ASAP3: variants seen among roughly 807,000 people sequenced by gnomAD.
ASAP3 encodes the protein arf-GAP with SH3 domain, ANK repeat and PH domain-containing protein 3.
ASAP3 carries 85 observed loss-of-function variants against 118.2 expected under a neutral mutation model. The ratio of observed to expected loss-of-function variants is 0.72; its 90% CI spans 0.60 to 0.86. The LOEUF is 0.86. ASAP3 is among the 40% of genes least tolerant of loss of function. The pLI is 0.00. For synonymous variants in ASAP3, 432 were observed against 477.4 expected (o/e 0.90, Z 1.24); for missense variants, 1,026 against 1,175.0 (o/e 0.87, Z 1.85).
Position 23,438,776 on chromosome 1 carries a change from T to C in ASAP3, c.1073A>G (p.Glu358Gly), listed in dbSNP as rs1164705858. The C allele has an allele frequency of 1.2e-6, 2 of 1,614,162 alleles. No individual in the cohort carries two copies. The highest frequency in any genetic ancestry group is 1.7e-6 in the Non-Finnish European group (2 of 1,180,010). The change falls in exon 12 of 25, where the codon GAG (glutamate) becomes GGG (glycine). Residue 358 changes from glutamate to glycine, a missense_variant. By Grantham distance (98) the Glu-to-Gly change is moderately conservative. Transcript: ENST00000336689. This position sits in a 1 kb window ranked among gnomAD's most constrained non-coding sequence, Gnocchi z 4.9. The part of the protein sequence containing the change: ...LLTCQVRPNP[E>G]EKKCFDLVTH... ...CACCAGGTCGAAGCACTTTTTCTCC[T>C]CAGGGTTTGGCCTCACTTGGCACGT... is the stretch of plus-strand genomic sequence containing the variant.
chr1:23,450,608 T>TAA (rs552660829), intron 5 of ASAP3, among the ~76,000 whole-genome samples: 1 of 146,268 alleles, frequency 6.8e-6, no homozygotes, highest in Non-Finnish European at 1.5e-5. Context: ...CCAGACCTTG[T>TAA]AAAAAAAAAA....
rs940900165 is a variant in ASAP3, at chr1:23,428,938, T to A, written c.*918A>T. The A allele has an allele frequency of 6.5e-6, 1 of 154,828 alleles. No homozygotes were observed. The highest frequency in any genetic ancestry group is 1.5e-5 in the Non-Finnish European group (1 of 68,220). 9.6% of individuals were successfully genotyped at this position (154,828 alleles called of 1,614,324 possible). A position where few individuals can be genotyped will look rare whatever the true frequency, so the allele number is the denominator to read the frequency against. On this transcript the variant is annotated 3_prime_UTR_variant, in exon 25 of 25. Transcript: ENST00000336689. ...CCCAATTCTATTACTCTCCCTTCTT[T>A]CTTTGCCTCTCCATTCCCTCAGACT...
At chr1:23,478,953 T>C (rs957247040) in intron 1 of ASAP3, among the ~76,000 whole-genome samples, 4 of 152,044 alleles carry the variant, frequency 2.6e-5, no homozygotes, top group African/African-American at 9.7e-5. Flanking sequence ...TGAGGGGATT[T>C]TCCAGGCCCT....
chr1:23,464,890 A>G (rs1159437270), intron 1 of ASAP3, among the ~76,000 whole-genome samples: 1 of 152,118 alleles, frequency 6.6e-6, no homozygotes, highest in Non-Finnish European at 1.5e-5. Context: ...AATGCATGCT[A>G]AAGTTTGGGA....
At chr1:23,472,123 T>C (rs750515836) in intron 1 of ASAP3, among the ~76,000 whole-genome samples, 1 of 152,242 alleles carries the variant, frequency 6.6e-6, no homozygotes, top group East Asian at 1.9e-4. Flanking sequence ...GGGTTTCTTT[T>C]TGGGATGATG....
intron 1 of ASAP3, among the ~76,000 whole-genome samples, chr1:23,457,029 A>C (rs928427750): frequency 3.6e-4 from 55 of 152,226 alleles, no homozygotes; most frequent in Non-Finnish European, 6.5e-4. Flanking sequence ...TCCCCCTTTC[A>C]GTGGGGCATG....
At chr1:23,444,320 G>A (rs1442554475) in intron 5 of ASAP3, among the ~76,000 whole-genome samples, 1 of 152,164 alleles carries the variant, frequency 6.6e-6, no homozygotes, top group Non-Finnish European at 1.5e-5. Flanking sequence ...CCCACGCCCA[G>A]CAGACTACCC....
chr1:23,459,279 T>A (rs1641492093), intron 1 of ASAP3, among the ~76,000 whole-genome samples: 1 of 152,090 alleles, frequency 6.6e-6, no homozygotes. Context: ...AATAAATGTT[T>A]ACCTAAATGA....
rs1360609713 is a variant in ASAP3, at chr1:23,456,177, T to C, written c.147A>G (p.Gln49=). The C allele has an allele frequency of 2.5e-6, 4 of 1,613,996 alleles. No individual in the cohort carries two copies. The highest frequency in any genetic ancestry group is 2.2e-5 in the East Asian group (1 of 44,888). The change falls in exon 2 of 25, where the codon CAA becomes CAG. Residue 49 remains glutamine, a synonymous_variant. Transcript: ENST00000336689. ...LAREEILEGD[Q]AILQRIKKAV... is the part of the protein sequence containing the mutation. ...CCTTCTTTATTCTCTGCAGGATGGC[T>C]TGGTCTCCTTCCAAGATCTGGAAGC...
At chr1:23,432,289 G>A (rs1362939748) in intron 22 of ASAP3, among the ~76,000 whole-genome samples, 2 of 152,042 alleles carry the variant, frequency 1.3e-5, no homozygotes, top group African/African-American at 2.4e-5. Context: ...TTACAGGCAC[G>A]AGCCACCACA....
chr1:23,448,620 ATATG>A (rs1641118080), intron 5 of ASAP3, among the ~76,000 whole-genome samples: 1 of 151,250 alleles, frequency 6.6e-6, no homozygotes, highest in Non-Finnish European at 1.5e-5. Flanking sequence ...TATTTATTAT[ATATG>A]TATTATTATT....
chr1:23,449,012 CGAGCTGCT>C (rs1480570061), intron 5 of ASAP3, among the ~76,000 whole-genome samples: 1 of 151,532 alleles, frequency 6.6e-6, no homozygotes, highest in Non-Finnish European at 1.5e-5. Flanking sequence ...CTCATTCCTG[CGAGCTGCT>C]GACAGTCACA....
At chr1:23,469,329 T>C (rs1276318178) in intron 1 of ASAP3, among the ~76,000 whole-genome samples, 1 of 151,998 alleles carries the variant, frequency 6.6e-6, no homozygotes, top group African/African-American at 2.4e-5. Context: ...ACAATAATAA[T>C]AAATAAAATA....
intron 1 of ASAP3, among the ~76,000 whole-genome samples, chr1:23,467,050 AC>A (rs1641794026): frequency 6.6e-6 from 1 of 151,896 alleles, no homozygotes. Context: ...TGTAGTAGAG[AC>A]AGGGGTTTCA....
At position 23,436,682 on chromosome 1, in the gene ASAP3, G is replaced by A; in HGVS notation, c.1477-28C>T. 1.2e-6 allele frequency: 2 copies of A among 1,613,230 alleles called. No individual in the cohort carries two copies. The highest frequency in any genetic ancestry group is 1.7e-6 in the Non-Finnish European group (2 of 1,179,168). Reference sequence around the variant, plus strand: ...GGAGTCGTAGGAAAATAGACGTGGGGCGGAGTAAGACCGGGCGGTTAAGCC... The same window carrying A: ...GGAGTCGTAGGAAAATAGACGTGGGACGGAGTAAGACCGGGCGGTTAAGCC... On this transcript the variant is annotated intron_variant, in intron 15 of 24. Transcript: ENST00000336689. This position sits in a 1 kb window ranked among gnomAD's most constrained non-coding sequence, Gnocchi z 4.2.
At chr1:23,444,799 C>T (rs1640994501) in intron 5 of ASAP3, among the ~76,000 whole-genome samples, 1 of 152,182 alleles carries the variant, frequency 6.6e-6, no homozygotes, top group East Asian at 1.9e-4. Flanking sequence ...AGTTTCTCAA[C>T]CATGGAACTG....
At chr1:23,448,830 C>G (rs1023605899) in intron 5 of ASAP3, among the ~76,000 whole-genome samples, 1 of 152,122 alleles carries the variant, frequency 6.6e-6, no homozygotes, top group Admixed American at 6.5e-5. Context: ...GGATCATTAT[C>G]CCATTTTATA....
intron 1 of ASAP3, among the ~76,000 whole-genome samples, chr1:23,467,879 G>A (rs1157837661): frequency 6.6e-6 from 1 of 150,504 alleles, no homozygotes; most frequent in Non-Finnish European, 1.5e-5. Flanking sequence ...TTGAACCCGG[G>A]AGGCAGAGGT....
chr1:23,436,501 G>C lies in ASAP3; in HGVS notation c.1571+59C>G. ...GATCCAAGACTTTTCTACGACCCTG[G>C]ACACTGCGGAGGCAGAATCCCCTAG... On this transcript the variant is annotated intron_variant, in intron 16 of 24. Coordinates refer to ENST00000336689, the MANE Select transcript of ASAP3 (RefSeq NM_017707.4). The surrounding 1 kb of genome is among the most constrained non-coding windows in gnomAD (Gnocchi z 4.2). The C allele has an allele frequency of 6.3e-7, 1 of 1,576,920 alleles. No individual in the cohort carries two copies. Among genetic ancestry groups the C allele is most frequent in the Non-Finnish European group, 8.7e-7 (1 of 1,146,560 alleles).
Sources: allele counts gnomAD v4.1 joint callset (sites outside exome capture counted in the v4.1 genomes callset), GRCh38; gene constraint gnomAD v4.1.1; non-coding constraint Gnocchi (gnomAD v3.1); transcripts MANE v1.5; gene names NCBI Gene and HGNC (gene_info 2026-07-23, HGNC 2026-07-21).